CMTM8: variants seen among roughly 807,000 people sequenced by gnomAD.
The protein encoded by CMTM8 is CKLF like MARVEL transmembrane domain containing 8.
CMTM8 carries 12 observed loss-of-function variants against 18.6 expected under a neutral mutation model. The ratio of observed to expected loss-of-function variants is 0.65; its 90% CI spans 0.41 to 1.05. The LOEUF (loss-of-function observed/expected upper bound fraction) is 1.05. CMTM8 is among the 50% of genes least tolerant of loss of function. The pLI is 0.00. For missense variants in CMTM8, 217 were observed against 227.2 expected (o/e 0.95, Z 0.29); for synonymous variants, 87 against 90.6 (o/e 0.96, Z 0.23).
At chr3:32,293,019 T>A (rs1404625149) in intron 1 of CMTM8, among the ~76,000 whole-genome samples, 1 of 151,858 alleles carries the variant, frequency 6.6e-6, no homozygotes, top group Non-Finnish European at 1.5e-5. Context: ...CTGATAGACG[T>A]CTATCCATAT....
intron 2 of CMTM8, among the ~76,000 whole-genome samples, chr3:32,364,005 T>C (rs1333155433): frequency 2.0e-5 from 3 of 152,172 alleles, no homozygotes; most frequent in African/African-American, 7.2e-5. Flanking sequence ...CTTCCACCAA[T>C]GTGTGGTAAT....
rs1695621416 is a variant in CMTM8, at chr3:32,370,245, T to C, written c.*278T>C. 1 of 172,936 alleles carries C rather than the reference T, an allele frequency of 5.8e-6. No homozygotes were observed. The highest frequency in any genetic ancestry group is 1.6e-4 in the South Asian group (1 of 6,072). 10.7% of individuals were successfully genotyped at this position (172,936 alleles called of 1,614,324 possible). A position where few individuals can be genotyped will look rare whatever the true frequency, so the allele number is the denominator to read the frequency against. On this transcript the variant is annotated 3_prime_UTR_variant, in exon 4 of 4. Transcript: ENST00000307526. ...TGTTTAAATAGATAAATTGCTAATA[T>C]TGAGAATGTGTCAAGTTTGTAAACC...
intron 1 of CMTM8, among the ~76,000 whole-genome samples, chr3:32,309,972 G>A (rs1419455381): frequency 6.6e-6 from 1 of 152,174 alleles, no homozygotes; most frequent in Non-Finnish European, 1.5e-5. Context: ...CCTGCTTTCT[G>A]CAGGACCATT....
At chr3:32,357,288 A>G (rs557125397) in intron 1 of CMTM8, 85 bp from the exon 2 acceptor site, 5 of 979,908 alleles carry the variant, frequency 5.1e-6, no homozygotes, top group African/African-American at 1.7e-5. Flanking sequence ...CTGTATAATT[A>G]TTTTTTTTTC....
At chr3:32,248,790 G>A (rs1702076485) in intron 1 of CMTM8, among the ~76,000 whole-genome samples, 2 of 151,932 alleles carry the variant, frequency 1.3e-5, no homozygotes, top group African/African-American at 4.8e-5. Context: ...TTGAGCCCAG[G>A]CCTCCAAGTA....
At chr3:32,242,556 G>T (rs1701957582) in intron 1 of CMTM8, among the ~76,000 whole-genome samples, 1 of 152,134 alleles carries the variant, frequency 6.6e-6, no homozygotes, top group Admixed American at 6.5e-5. Flanking sequence ...TCGAACTCCT[G>T]AACTCAAGTG....
chr3:32,320,730 T>C (rs1236754320), intron 1 of CMTM8, among the ~76,000 whole-genome samples: 1 of 152,132 alleles, frequency 6.6e-6, no homozygotes, highest in East Asian at 1.9e-4. Flanking sequence ...TTTCTTGGAG[T>C]TGGGGTGCAG....
chr3:32,368,015 T>G (rs745326186), intron 3 of CMTM8, 27 bp downstream of exon 3: 1 of 1,432,048 alleles, frequency 7.0e-7, no homozygotes, highest in Non-Finnish European at 9.9e-7. Flanking sequence ...CCCCACATGA[T>G]CCTCCTCTTC....
intron 3 of CMTM8, 78 bp from the exon 4 acceptor site, chr3:32,369,806 C>G (rs746000732): frequency 2.0e-4 from 169 of 835,772 alleles, no homozygotes; most frequent in Non-Finnish European, 3.1e-4. Flanking sequence ...GTGGGTGATT[C>G]AATGGAGGTG....
intron 1 of CMTM8, among the ~76,000 whole-genome samples, chr3:32,276,327 G>A (rs1702518128): frequency 6.6e-6 from 1 of 152,156 alleles, no homozygotes; most frequent in South Asian, 2.1e-4. Flanking sequence ...GCTCCCTAGA[G>A]GGCAGTGGGC....
At position 32,343,545 on chromosome 3, in the gene CMTM8, A is replaced by G. The variant is rs9857823; in HGVS notation, c.148-13828A>G. Among the ~76,000 whole-genome samples the G allele has an allele frequency of 6.7e-3, 1,022 of 152,248 alleles. 15 individuals carry two copies. The highest frequency in any genetic ancestry group is 0.023 in the African/African-American group (972 of 41,542). ...TCTCTCACTTCCTCTGACCTTCCAG[A>G]CTTGGTTGTGTCCTTGTGCTTTGCA... is the stretch of plus-strand genomic sequence containing the variant. On this transcript the variant is annotated intron_variant, in intron 1 of 3. Transcript: ENST00000307526.
At chr3:32,343,126 G>A (rs1696532058) in intron 1 of CMTM8, among the ~76,000 whole-genome samples, 1 of 152,212 alleles carries the variant, frequency 6.6e-6, no homozygotes, top group African/African-American at 2.4e-5. Flanking sequence ...AATAAAAGTA[G>A]CACCAGATTG....
chr3:32,288,765 G>T (rs1702729401), intron 1 of CMTM8, among the ~76,000 whole-genome samples: 1 of 152,204 alleles, frequency 6.6e-6, no homozygotes, highest in Non-Finnish European at 1.5e-5. Context: ...CTCCCAAAGT[G>T]CTGGGATTAC....
intron 1 of CMTM8, among the ~76,000 whole-genome samples, chr3:32,338,784 G>T (rs145184430): frequency 6.6e-6 from 1 of 152,176 alleles, no homozygotes; most frequent in Non-Finnish European, 1.5e-5. Flanking sequence ...TATCACTCAC[G>T]GTGTCTGTAC....
chr3:32,325,446 CT>C (rs1455075376), intron 1 of CMTM8, among the ~76,000 whole-genome samples: 4 of 152,158 alleles, frequency 2.6e-5, no homozygotes, highest in South Asian at 2.1e-4. Context: ...GGGGACCTCT[CT>C]TTTTTTAAGA....
intron 1 of CMTM8, 41 bp from the exon 2 acceptor site, chr3:32,357,332 T>C (rs777814133): frequency 2.0e-6 from 3 of 1,491,106 alleles, no homozygotes; most frequent in East Asian, 4.5e-5. Context: ...CTTTATCTTC[T>C]ACTGTCCCCT....
At chr3:32,310,020 G>C (rs1222906573) in intron 1 of CMTM8, among the ~76,000 whole-genome samples, 1 of 152,192 alleles carries the variant, frequency 6.6e-6, no homozygotes, top group African/African-American at 2.4e-5. Context: ...TCACAGCTCA[G>C]TTTTTAGAAA....
At chr3:32,364,662 C>A (rs79767532) in intron 2 of CMTM8, among the ~76,000 whole-genome samples, 1 of 152,144 alleles carries the variant, frequency 6.6e-6, no homozygotes, top group Non-Finnish European at 1.5e-5. Flanking sequence ...AAATTTTCAG[C>A]GGTTTGGGTA....
At chr3:32,251,944 G>A (rs981887354) in intron 1 of CMTM8, among the ~76,000 whole-genome samples, 2 of 151,946 alleles carry the variant, frequency 1.3e-5, no homozygotes, top group African/African-American at 4.8e-5. Flanking sequence ...ACAAAAATTA[G>A]CTGGTCATGA....
Sources: gnomAD v4.1 joint callset for allele counts (sites outside exome capture counted in the v4.1 genomes callset) on GRCh38, gnomAD v4.1.1 for gene constraint, MANE v1.5 for transcripts, NCBI Gene and HGNC (gene_info 2026-07-23, HGNC 2026-07-21) for gene names.